TNFSF4: variants seen among roughly 807,000 people sequenced by gnomAD.
TNFSF4 encodes tumor necrosis factor ligand superfamily member 4.
In TNFSF4, 4 loss-of-function variants were observed where a neutral mutation model predicts 7.3. That is an observed-to-expected ratio of 0.55 (90% CI 0.27 to 1.25). The LOEUF is 1.25. Among genes scored for constraint, TNFSF4 ranks in the 50% most tolerant of loss-of-function variants. TNFSF4 has a pLI of 0.12. For synonymous variants in TNFSF4, 76 were observed against 83.7 expected (o/e 0.91, Z 0.50); for missense variants, 181 against 208.8 (o/e 0.87, Z 0.82).
the TNFSF4 span, among the ~76,000 whole-genome samples, chr1:173,316,628 G>A: frequency 6.6e-6 from 1 of 151,826 alleles, no homozygotes; most frequent in Non-Finnish European, 1.5e-5. Flanking sequence ...GTGGTGAAAG[G>A]CCATTTTCCC....
At chr1:173,190,614 TGA>T (rs1192196596) in intron 1 of TNFSF4, among the ~76,000 whole-genome samples, 2 of 152,206 alleles carry the variant, frequency 1.3e-5, no homozygotes, top group Admixed American at 1.3e-4. Context: ...CTTCGTGGTG[TGA>T]TAGCTAATTA....
At chr1:173,341,266 C>A in the TNFSF4 span, among the ~76,000 whole-genome samples, 3 of 152,156 alleles carry the variant, frequency 2.0e-5, no homozygotes, top group Non-Finnish European at 4.4e-5. Flanking sequence ...TCCTTCTTAT[C>A]TGCTTGGGAC....
At chr1:173,243,018 G>GGGGGGGGGA in the TNFSF4 span, among the ~76,000 whole-genome samples, 2 of 71,064 alleles carry the variant, frequency 2.8e-5, no homozygotes, top group Non-Finnish European at 3.0e-5. Flanking sequence ...GGGGGGGGGG[G>GGGGGGGGGA]AGCACAAAAA....
At chr1:173,441,770 T>A in the TNFSF4 span, 1 of 152,360 alleles carries the variant, frequency 6.6e-6, no homozygotes, top group East Asian at 1.9e-4. Context: ...AATGTGTGTT[T>A]GCATACTTGT....
At chr1:173,198,314 G>A (rs1649793588) in intron 1 of TNFSF4, among the ~76,000 whole-genome samples, 1 of 152,198 alleles carries the variant, frequency 6.6e-6, no homozygotes, top group South Asian at 2.1e-4. Flanking sequence ...TTGGAATAAA[G>A]TGTCTAATGA....
chr1:173,346,968 T>C, the TNFSF4 span, among the ~76,000 whole-genome samples: 1 of 152,248 alleles, frequency 6.6e-6, no homozygotes, highest in Non-Finnish European at 1.5e-5. Context: ...GTAAGAGGAC[T>C]TGATGGCAAC....
the TNFSF4 span, among the ~76,000 whole-genome samples, chr1:173,282,512 G>A: frequency 6.6e-6 from 1 of 151,356 alleles, no homozygotes. Flanking sequence ...AGGCTGGAGT[G>A]CAGTGGCACT....
the TNFSF4 span, among the ~76,000 whole-genome samples, chr1:173,431,407 G>A: frequency 1.3e-5 from 2 of 152,198 alleles, no homozygotes; most frequent in South Asian, 2.1e-4. Context: ...GGATTTGTTA[G>A]TTGCACAGAA....
chr1:173,286,316 A>C, the TNFSF4 span, among the ~76,000 whole-genome samples: 1 of 152,232 alleles, frequency 6.6e-6, no homozygotes, highest in Non-Finnish European at 1.5e-5. Context: ...AATCTAACAG[A>C]AGAAAAAAAC....
chr1:173,367,315 C>T, the TNFSF4 span, among the ~76,000 whole-genome samples: 2 of 152,218 alleles, frequency 1.3e-5, no homozygotes, highest in Non-Finnish European at 2.9e-5. Context: ...TCTGACGATA[C>T]AGCCTCCGAA....
chr1:173,283,654 C>T, the TNFSF4 span, among the ~76,000 whole-genome samples: 2 of 152,066 alleles, frequency 1.3e-5, no homozygotes, highest in African/African-American at 2.4e-5. Context: ...CACAAACAAA[C>T]CTTCCCTAAA....
the TNFSF4 span, among the ~76,000 whole-genome samples, chr1:173,408,408 T>C: frequency 6.6e-6 from 1 of 152,162 alleles, no homozygotes; most frequent in Non-Finnish European, 1.5e-5. Flanking sequence ...CTAATATAAA[T>C]AATTGATTGA....
the TNFSF4 span, among the ~76,000 whole-genome samples, chr1:173,298,113 C>T: frequency 6.6e-6 from 1 of 151,934 alleles, no homozygotes; most frequent in East Asian, 1.9e-4. Context: ...GAGACCAAAG[C>T]AACCACGACC....
At chr1:173,360,569 A>ATGACCT in the TNFSF4 span, among the ~76,000 whole-genome samples, 1 of 152,234 alleles carries the variant, frequency 6.6e-6, no homozygotes, top group Non-Finnish European at 1.5e-5. Flanking sequence ...TGTTGCTTTT[A>ATGACCT]TGACCTTGGC....
At chr1:173,191,191 G>C (rs1408929680) in intron 1 of TNFSF4, among the ~76,000 whole-genome samples, 1 of 152,122 alleles carries the variant, frequency 6.6e-6, no homozygotes, top group Non-Finnish European at 1.5e-5. Flanking sequence ...GACATTCTCT[G>C]GGACGATGAT....
the TNFSF4 span, among the ~76,000 whole-genome samples, chr1:173,329,270 T>C: frequency 6.6e-6 from 1 of 152,204 alleles, no homozygotes; most frequent in Admixed American, 6.5e-5. Flanking sequence ...ATATAACGTA[T>C]GCACATCCTC....
chr1:173,446,736 C>T, the TNFSF4 span, among the ~76,000 whole-genome samples: 1 of 152,186 alleles, frequency 6.6e-6, no homozygotes, highest in Non-Finnish European at 1.5e-5. Flanking sequence ...TTCATGCCCT[C>T]AAACAATAAA....
the TNFSF4 span, among the ~76,000 whole-genome samples, chr1:173,394,768 G>A: frequency 9.2e-5 from 14 of 152,136 alleles, no homozygotes; most frequent in Middle Eastern, 0.01. Context: ...TGGCTTCCCT[G>A]GCCTCTGAAC....
At chr1:173,194,708 C>A (rs1649623343) in intron 1 of TNFSF4, among the ~76,000 whole-genome samples, 1 of 151,628 alleles carries the variant, frequency 6.6e-6, no homozygotes, top group East Asian at 1.9e-4. Flanking sequence ...CATGGTGAAA[C>A]CCTATTTCTA....
Sources: gnomAD v4.1 joint callset for allele counts (sites outside exome capture counted in the v4.1 genomes callset) on GRCh38, gnomAD v4.1.1 for gene constraint, MANE v1.5 for transcripts, NCBI Gene and HGNC (gene_info 2026-07-23, HGNC 2026-07-21) for gene names.